The following IL1RAPL1 variants were observed in gnomAD, a reference collection of about 807,000 sequenced individuals.
IL1RAPL1 encodes the protein interleukin 1 receptor accessory protein like 1, also known as interleukin-1 receptor accessory protein-like 1.
Under a neutral mutation model 48.4 loss-of-function variants are expected in IL1RAPL1, and 3 were observed. That is an observed-to-expected ratio of 0.06 (90% CI 0.03 to 0.16). IL1RAPL1 has a LOEUF of 0.16. Among genes scored for constraint, IL1RAPL1 ranks in the 10% least tolerant of loss-of-function variants. The pLI is 1.00. For synonymous variants in IL1RAPL1, 185 were observed against 187.7 expected, an observed-to-expected ratio of 0.99 and a Z score of 0.12; for missense variants, 349 against 530.6, an observed-to-expected ratio of 0.66 and a Z score of 3.36.
chrX:29,493,382 A>G (rs1935179193), intron 5 of IL1RAPL1, among the ~76,000 whole-genome samples: 2 of 112,659 alleles, frequency 1.8e-5, no homozygotes, highest in South Asian at 3.6e-4. Flanking sequence ...ATGTTACATG[A>G]ATGTATAATC....
chrX:29,815,297 C>T (rs1930468836), intron 6 of IL1RAPL1, among the ~76,000 whole-genome samples: 1 of 110,969 alleles, frequency 9.0e-6, no homozygotes, highest in Non-Finnish European at 1.9e-5. Flanking sequence ...ATCTTTCATC[C>T]CCTTGGTTAG....
intron 2 of IL1RAPL1, among the ~76,000 whole-genome samples, chrX:28,944,001 G>A (rs1393742354): frequency 9.0e-6 from 1 of 111,003 alleles, no homozygotes; most frequent in Admixed American, 9.7e-5. Context: ...CACTGTGAAG[G>A]TAAAATAAAC....
intron 2 of IL1RAPL1, among the ~76,000 whole-genome samples, chrX:29,244,654 A>G (rs1371213577): frequency 1.8e-5 from 2 of 112,543 alleles, no homozygotes; most frequent in East Asian, 2.8e-4. Context: ...ACGCAATTGT[A>G]TCTACAATAT....
chrX:29,526,212 G>A (rs1935551202), intron 5 of IL1RAPL1, among the ~76,000 whole-genome samples: 1 of 111,550 alleles, frequency 9.0e-6, no homozygotes, highest in African/African-American at 3.3e-5. Flanking sequence ...TTTCTTTAAG[G>A]ATTTAAAATA....
chrX:29,076,451 A>G (rs1285321997), intron 2 of IL1RAPL1, among the ~76,000 whole-genome samples: 1 of 111,847 alleles, frequency 8.9e-6, no homozygotes, highest in Non-Finnish European at 1.9e-5. Context: ...GGTGCATTGT[A>G]CTGTATTTTC....
intron 1 of IL1RAPL1, among the ~76,000 whole-genome samples, chrX:28,675,753 G>T (rs1317505672): frequency 9.0e-6 from 1 of 111,693 alleles, no homozygotes; most frequent in Non-Finnish European, 1.9e-5. Context: ...AAGTATAAAG[G>T]AGACCTGCTC....
chrX:29,006,859 A>T (rs1206582754), intron 2 of IL1RAPL1, among the ~76,000 whole-genome samples: 2 of 110,765 alleles, frequency 1.8e-5, no homozygotes, highest in African/African-American at 6.6e-5. Context: ...TTATATATTT[A>T]TAAAATGCAT....
intron 2 of IL1RAPL1, among the ~76,000 whole-genome samples, chrX:29,271,401 A>G (rs1446402511): frequency 8.9e-6 from 1 of 112,283 alleles, no homozygotes; most frequent in Admixed American, 9.4e-5. Context: ...TGCTGGATCA[A>G]ATGATAGTTC....
intron 3 of IL1RAPL1, among the ~76,000 whole-genome samples, chrX:29,382,784 T>G (rs1933728902): frequency 8.9e-6 from 1 of 111,896 alleles, no homozygotes; most frequent in South Asian, 3.7e-4. Flanking sequence ...CAGGCAATAC[T>G]ATGAGACAAG....
intron 5 of IL1RAPL1, among the ~76,000 whole-genome samples, chrX:29,572,829 AGT>A (rs1222648352): frequency 1.8e-5 from 2 of 112,717 alleles, no homozygotes; most frequent in African/African-American, 6.4e-5. Context: ...GTATTTTATC[AGT>A]CTTTAAATTT....
chrX:29,142,472 C>T (rs1050330782), intron 2 of IL1RAPL1, among the ~76,000 whole-genome samples: 1 of 111,644 alleles, frequency 9.0e-6, no homozygotes, highest in East Asian at 2.8e-4. Flanking sequence ...AACAACTGGA[C>T]CTTGAATCAG....
chrX:28,815,839 GTATATATATATATATATATA>G lies in IL1RAPL1; in HGVS notation c.82+26441_82+26460del, dbSNP rs61436993. Among the ~76,000 whole-genome samples the G allele has an allele frequency of 8.1e-3, 236 of 29,107 alleles. 4 individuals carry two copies. The highest frequency in any genetic ancestry group is 0.012 in the South Asian group (3 of 249). The allele number at this position is 29,107 out of a possible 115,157, so 25.3% of individuals were successfully genotyped here. A position where few individuals can be genotyped will look rare whatever the true frequency, so the allele number is the denominator to read the frequency against. The stretch of plus-strand genomic sequence containing the variant: ...CTATTGTGTATGTATGTGTGTTTAT[GTATATATATATATATATATA>G]TATATATATATATATATATATATAT... On this transcript the variant is annotated intron_variant, in intron 2 of 10. Coordinates refer to ENST00000378993, the MANE Select transcript of IL1RAPL1 (RefSeq NM_014271.4).
At chrX:29,678,736 TATAAC>T (rs1220124270) in intron 6 of IL1RAPL1, among the ~76,000 whole-genome samples, 1 of 111,503 alleles carries the variant, frequency 9.0e-6, no homozygotes, top group African/African-American at 3.3e-5. Context: ...AAAATCTCAT[TATAAC>T]ATATACTAAT....
intron 5 of IL1RAPL1, among the ~76,000 whole-genome samples, chrX:29,518,715 T>G (rs1935472827): frequency 9.0e-6 from 1 of 111,436 alleles, no homozygotes; most frequent in Non-Finnish European, 1.9e-5. Context: ...AAGTAGATCT[T>G]GCAGGGCTTC....
chrX:29,313,906 TGAGA>T (rs1932757606), intron 3 of IL1RAPL1, among the ~76,000 whole-genome samples: 1 of 112,242 alleles, frequency 8.9e-6, no homozygotes, highest in African/African-American at 3.2e-5. Context: ...CTTAAGAGTC[TGAGA>T]GTTAGGAAAC....
intron 9 of IL1RAPL1, among the ~76,000 whole-genome samples, chrX:29,944,353 C>T (rs1270194374): frequency 5.4e-5 from 6 of 111,531 alleles, no homozygotes; most frequent in Non-Finnish European, 1.1e-4. Flanking sequence ...CCACTCTTAA[C>T]TCGTATCTCC....
intron 2 of IL1RAPL1, among the ~76,000 whole-genome samples, chrX:29,100,107 G>C (rs962267357): frequency 9.0e-6 from 1 of 110,905 alleles, no homozygotes; most frequent in Admixed American, 9.7e-5. Flanking sequence ...AGCTACTTGG[G>C]AGGCTGAGGC....
At chrX:29,260,455 C>T (rs1323044535) in intron 2 of IL1RAPL1, among the ~76,000 whole-genome samples, 1 of 112,120 alleles carries the variant, frequency 8.9e-6, no homozygotes, top group African/African-American at 3.2e-5. Context: ...ACAGCTTGTG[C>T]TGGGAAACGC....
intron 2 of IL1RAPL1, among the ~76,000 whole-genome samples, chrX:28,914,904 G>A (rs1004667992): frequency 8.9e-6 from 1 of 112,119 alleles, no homozygotes; most frequent in African/African-American, 3.2e-5. Flanking sequence ...ACAAATTTAG[G>A]CATATGAACT....
Sources: gnomAD v4.1 joint callset for allele counts (sites outside exome capture counted in the v4.1 genomes callset) on GRCh38, gnomAD v4.1.1 for gene constraint, MANE v1.5 for transcripts, NCBI Gene and HGNC (gene_info 2026-07-23, HGNC 2026-07-21) for gene names.